Variants in FBXL20 observed in about 807,000 individuals in gnomAD.
FBXL20 encodes F-box/LRR-repeat protein 20.
FBXL20 carries 11 observed loss-of-function variants against 64.0 expected under a neutral mutation model. The ratio of observed to expected loss-of-function variants is 0.17; its 90% CI spans 0.11 to 0.28. The LOEUF (loss-of-function observed/expected upper bound fraction) is 0.28, where lower values mean the gene tolerates loss of function less well. FBXL20 is among the 10% of genes least tolerant of loss of function. The probability of loss-of-function intolerance (pLI) is 1.00; values close to 1 mark genes in which losing one functional copy is unlikely to be tolerated. For missense variants in FBXL20, 303 were observed against 526.2 expected (o/e 0.58, Z 4.15); for synonymous variants, 184 against 189.0 (o/e 0.97, Z 0.22).
chr17:39,359,168 CAA>C (rs1470041526), intron 1 of FBXL20, among the ~76,000 whole-genome samples: 1 of 151,754 alleles, frequency 6.6e-6, no homozygotes, highest in African/African-American at 2.4e-5. Flanking sequence ...CCCATATCTA[CAA>C]AAAAAATATA....
chr17:39,349,809 G>A (rs1333022220), intron 1 of FBXL20, among the ~76,000 whole-genome samples: 1 of 151,918 alleles, frequency 6.6e-6, no homozygotes, highest in Non-Finnish European at 1.5e-5. Context: ...GGTGGCTAGC[G>A]CTTGTAGTCC....
chr17:39,288,732 AC>A (rs1193923221), intron 6 of FBXL20, among the ~76,000 whole-genome samples: 1 of 150,702 alleles, frequency 6.6e-6, no homozygotes, highest in Non-Finnish European at 1.5e-5. Flanking sequence ...TTCCTAAGAC[AC>A]AGTCTTGCTT....
chr17:39,350,136 C>T (rs1217606949), intron 1 of FBXL20, among the ~76,000 whole-genome samples: 1 of 152,160 alleles, frequency 6.6e-6, no homozygotes, highest in African/African-American at 2.4e-5. Context: ...CTTCAATATA[C>T]ATAATAATGG....
intron 9 of FBXL20, 55 bp from the exon 10 acceptor site, chr17:39,275,155 A>T: frequency 6.5e-7 from 1 of 1,532,480 alleles, no homozygotes; most frequent in Non-Finnish European, 8.8e-7. Context: ...CAAAACAAAA[A>T]AAGAAAAAAA....
At chr17:39,378,966 G>A (rs774912977) in intron 1 of FBXL20, among the ~76,000 whole-genome samples, 2 of 147,030 alleles carry the variant, frequency 1.4e-5, no homozygotes, top group Non-Finnish European at 3.0e-5. Flanking sequence ...AGTGGCTCAC[G>A]CCTGTAATCC....
chr17:39,300,901 C>T (rs1022000681), intron 4 of FBXL20, 100 bp downstream of exon 4: 1 of 1,111,194 alleles, frequency 9.0e-7, no homozygotes, highest in Non-Finnish European at 1.3e-6. Flanking sequence ...AATAATAGTT[C>T]CTCTCTTTAA....
chr17:39,312,380 C>T lies in FBXL20; in HGVS notation c.105-8741G>A, dbSNP rs1597790896. On this transcript the variant is annotated intron_variant, in intron 2 of 14. Transcript: ENST00000264658. Reference sequence around the variant, plus strand: ...AGTGAGCCGAGATTGTGCCACTGCACTCCAGCCTGGGAGACAGACCTATAC... The same window carrying T: ...AGTGAGCCGAGATTGTGCCACTGCATTCCAGCCTGGGAGACAGACCTATAC... Among the ~76,000 whole-genome samples, 3 of 150,930 alleles carry T rather than the reference C, an allele frequency of 2.0e-5. No individual in the cohort carries two copies. In the East Asian group the frequency reaches 5.9e-4, roughly 30 times the overall value.
intron 1 of FBXL20, among the ~76,000 whole-genome samples, chr17:39,379,135 A>C (rs1275231419): frequency 2.0e-5 from 3 of 150,130 alleles, no homozygotes. Context: ...CTGAGGCAGG[A>C]GAATCGCTTG....
At chr17:39,333,801 C>T (rs1452241756) in intron 2 of FBXL20, among the ~76,000 whole-genome samples, 2 of 152,004 alleles carry the variant, frequency 1.3e-5, no homozygotes, top group Non-Finnish European at 2.9e-5. Context: ...GCCGCGACCC[C>T]GTCTGGGAAC....
At chr17:39,310,397 TC>T (rs2047223306) in intron 2 of FBXL20, among the ~76,000 whole-genome samples, 2 of 151,976 alleles carry the variant, frequency 1.3e-5, no homozygotes, top group South Asian at 4.1e-4. Flanking sequence ...TTTCCAGACC[TC>T]CCCTTTCCTT....
chr17:39,281,078 A>C (rs1342602337), intron 9 of FBXL20, among the ~76,000 whole-genome samples: 2 of 152,156 alleles, frequency 1.3e-5, no homozygotes, highest in Non-Finnish European at 2.9e-5. Flanking sequence ...TGCAATTTTA[A>C]ATACTAAACT....
At chr17:39,399,916 C>A (rs2048225050) in intron 1 of FBXL20, among the ~76,000 whole-genome samples, 1 of 152,160 alleles carries the variant, frequency 6.6e-6, no homozygotes, top group South Asian at 2.1e-4. Context: ...GTCCCCGACT[C>A]AAATCTTCAG....
chr17:39,265,816 C>T (rs993591670), intron 12 of FBXL20, among the ~76,000 whole-genome samples: 7 of 151,840 alleles, frequency 4.6e-5, no homozygotes, highest in Non-Finnish European at 1.0e-4. Context: ...GATCACAGCT[C>T]ATTGCAGCCT....
chr17:39,393,290 G>GA (rs199821623), intron 1 of FBXL20, among the ~76,000 whole-genome samples: 122 of 149,034 alleles, frequency 8.2e-4, no homozygotes, highest in East Asian at 3.9e-3. Flanking sequence ...ACTGTCTCAG[G>GA]AAAAAAAAAT....
At position 39,362,235 on chromosome 17, in the gene FBXL20, G is replaced by T. The variant is rs186982443; in HGVS notation, c.43-18994C>A. Among the ~76,000 whole-genome samples the T allele has an allele frequency of 2.9e-3, 442 of 152,050 alleles. 1 individual carries two copies. The highest frequency in any genetic ancestry group is 9.4e-3 in the African/African-American group (392 of 41,490). ...GTGAACCCGGGAGGCAGAGCTTGCAGTGAGCCAAGACTGCCCCACTGCATT... is the reference window on the plus strand; with the variant it reads ...GTGAACCCGGGAGGCAGAGCTTGCATTGAGCCAAGACTGCCCCACTGCATT... On this transcript the variant is annotated intron_variant, in intron 1 of 14. Coordinates refer to ENST00000264658, the MANE Select transcript of FBXL20 (RefSeq NM_032875.3).
chr17:39,259,376 T>C lies in FBXL20; in HGVS notation c.*2084A>G, dbSNP rs1249291293. The C allele has an allele frequency of 6.6e-6, 1 of 152,192 alleles. No individual in the cohort carries two copies. The highest frequency in any genetic ancestry group is 2.4e-5 in the African/African-American group (1 of 41,448). The allele number at this position is 152,192 out of a possible 1,614,324, so 9.4% of individuals were successfully genotyped here. On this transcript the variant is annotated 3_prime_UTR_variant, in exon 15 of 15. Coordinates refer to ENST00000264658, the MANE Select transcript of FBXL20 (RefSeq NM_032875.3). ...TGGATCATATAGAAGATTAATATTA[T>C]GATGGATTGCACATTAATGTCTCAA...
intron 9 of FBXL20, among the ~76,000 whole-genome samples, chr17:39,281,137 G>A (rs1330632255): frequency 6.6e-6 from 1 of 152,118 alleles, no homozygotes; most frequent in Non-Finnish European, 1.5e-5. Context: ...AAGTATGTAA[G>A]AAAGGGGTGG....
intron 3 of FBXL20, among the ~76,000 whole-genome samples, chr17:39,302,980 C>T (rs560360532): frequency 1.3e-5 from 2 of 149,268 alleles, no homozygotes; most frequent in Admixed American, 6.7e-5. Flanking sequence ...GGTGTGATCT[C>T]GGCTCACTGC....
chr17:39,263,625 G>A (rs867896478), intron 14 of FBXL20, among the ~76,000 whole-genome samples: 1 of 152,126 alleles, frequency 6.6e-6, no homozygotes, highest in Non-Finnish European at 1.5e-5. Context: ...CTAGGAGTTC[G>A]AGGCTGCAGT....
Sources: gnomAD v4.1 joint callset for allele counts (sites outside exome capture counted in the v4.1 genomes callset) on GRCh38, gnomAD v4.1.1 for gene constraint, MANE v1.5 for transcripts, NCBI Gene and HGNC (gene_info 2026-07-23, HGNC 2026-07-21) for gene names.